STAU2: variants seen among roughly 807,000 people sequenced by gnomAD.
STAU2 encodes double-stranded RNA-binding protein Staufen homolog 2.
A neutral mutation model predicts 65.9 loss-of-function variants in STAU2; 20 were observed. The ratio of observed to expected loss-of-function variants is 0.30; its 90% CI spans 0.21 to 0.44. The LOEUF is 0.44. STAU2 is among the 20% of genes least tolerant of loss of function. The pLI, the probability that STAU2 is intolerant of heterozygous loss-of-function variation, is 1.00. For missense variants in STAU2, 558 were observed against 683.9 expected (o/e 0.82, Z 2.05); for synonymous variants, 232 against 233.9 (o/e 0.99, Z 0.07).
chr8:73,484,071 A>G (rs1027591802), intron 13 of STAU2, among the ~76,000 whole-genome samples: 2 of 152,180 alleles, frequency 1.3e-5, no homozygotes, highest in East Asian at 3.9e-4. Context: ...AGTGTCAACA[A>G]CTATTTAAAA....
chr8:73,744,728 G>A (rs1022433432), intron 1 of STAU2, among the ~76,000 whole-genome samples: 4 of 152,094 alleles, frequency 2.6e-5, no homozygotes, highest in African/African-American at 9.7e-5. Flanking sequence ...AGGAGTTAAG[G>A]ATCACAATGT....
At position 73,523,746 on chromosome 8, in the gene STAU2, G is replaced by A. The variant is rs143794731; in HGVS notation, c.1530+28266C>T. Among the ~76,000 whole-genome samples the A allele has an allele frequency of 1.3e-3, 192 of 152,174 alleles. 6 individuals are homozygous for A. In the East Asian group the frequency reaches 0.032, roughly 26 times the overall value. On this transcript the variant is annotated intron_variant, in intron 13 of 14. Transcript: ENST00000524300. ...ACTGACAACAAGGCCAGTGAGACTC[G>A]GACACAACTGATGAACTGGAAAGTG...
intron 13 of STAU2, among the ~76,000 whole-genome samples, chr8:73,434,278 G>A (rs1295424113): frequency 2.0e-5 from 3 of 150,744 alleles, no homozygotes; most frequent in Admixed American, 6.6e-5. Context: ...CGCTGAAAAA[G>A]GAAAGGAGGT....
chr8:73,607,994 G>A (rs1477696898), intron 9 of STAU2, among the ~76,000 whole-genome samples: 5 of 152,240 alleles, frequency 3.3e-5, no homozygotes, highest in Middle Eastern at 3.4e-3. Context: ...CCGGATGATT[G>A]CTGCCATTTC....
intron 6 of STAU2, among the ~76,000 whole-genome samples, chr8:73,636,746 C>A (rs1814545692): frequency 6.6e-6 from 1 of 151,566 alleles, no homozygotes; most frequent in Non-Finnish European, 1.5e-5. Flanking sequence ...AGCTGTAATC[C>A]CAGCTACTCA....
chr8:73,630,429 G>T (rs1356357346), intron 6 of STAU2, among the ~76,000 whole-genome samples: 2 of 152,220 alleles, frequency 1.3e-5, no homozygotes, highest in African/African-American at 4.8e-5. Flanking sequence ...ATAGGAAGAG[G>T]CTGAAGTAAT....
chr8:73,633,485 T>G (rs1466595121), intron 6 of STAU2, among the ~76,000 whole-genome samples: 1 of 152,148 alleles, frequency 6.6e-6, no homozygotes, highest in Non-Finnish European at 1.5e-5. Context: ...AGTGAAAGGA[T>G]GCATGTGAGA....
intron 9 of STAU2, among the ~76,000 whole-genome samples, chr8:73,612,448 A>G (rs1226187600): frequency 1.3e-5 from 2 of 152,208 alleles, no homozygotes; most frequent in African/African-American, 4.8e-5. Flanking sequence ...CTTAATAGCT[A>G]TATTCTACTC....
chr8:73,536,278 T>A (rs1004074124), intron 13 of STAU2, among the ~76,000 whole-genome samples: 11 of 152,118 alleles, frequency 7.2e-5, no homozygotes, highest in African/African-American at 2.7e-4. Context: ...TCTTTTTGCT[T>A]TACATATCCT....
intron 13 of STAU2, among the ~76,000 whole-genome samples, chr8:73,534,065 T>G (rs770641391): frequency 6.6e-5 from 10 of 152,250 alleles, no homozygotes; most frequent in Non-Finnish European, 1.2e-4. Flanking sequence ...CATTAAGGTA[T>G]GTGATACATA....
intron 13 of STAU2, chr8:73,551,080 C>T (rs556266256): frequency 2.0e-6 from 2 of 987,314 alleles, no homozygotes; most frequent in African/African-American, 3.5e-5. Context: ...ACACTCTCTA[C>T]ACACAAGCAA....
intron 13 of STAU2, among the ~76,000 whole-genome samples, chr8:73,517,142 C>G (rs1172091738): frequency 2.0e-5 from 3 of 152,128 alleles, no homozygotes; most frequent in South Asian, 2.1e-4. Flanking sequence ...ACTGGGCAGG[C>G]ATGATGGCTT....
chr8:73,546,844 C>T lies in STAU2; in HGVS notation c.1530+5168G>A, dbSNP rs998448544. 2.0e-4 allele frequency among the ~76,000 whole-genome samples: 31 copies of T among 152,264 alleles called. 1 individual carries two copies. Among genetic ancestry groups the T allele is most frequent in the Non-Finnish European group, 1.3e-4 (9 of 68,012 alleles). ...CAGCTGCCATCCACCTGAAGAGTAC[C>T]ATAATTAATTATATGTCAGGAAAAA... On this transcript the variant is annotated intron_variant, in intron 13 of 14. Transcript: ENST00000524300.
intron 3 of STAU2, among the ~76,000 whole-genome samples, chr8:73,718,580 C>T (rs1009302766): frequency 6.6e-6 from 1 of 152,144 alleles, no homozygotes; most frequent in East Asian, 1.9e-4. Context: ...CTGCAAGTGT[C>T]TGAGAATGAC....
chr8:73,527,577 C>T lies in STAU2; in HGVS notation c.1530+24435G>A, dbSNP rs984105694. ...TTTCAAGTCTAGCAGATGGTGCTAG[C>T]AGATAATGTATTAAGGAAAGCAAAG... On this transcript the variant is annotated intron_variant, in intron 13 of 14. Transcript: ENST00000524300. The T allele has an allele frequency of 4.7e-6, 3 of 643,392 alleles. No homozygotes were observed. The East Asian group carries it at 8.4e-5, about 18-fold the overall frequency. The allele number at this position is 643,392 out of a possible 1,614,324, so 39.9% of individuals were successfully genotyped here.
At chr8:73,635,930 ACACACACACACACACACACACC>A (rs1323230462) in intron 6 of STAU2, among the ~76,000 whole-genome samples, 80 of 105,746 alleles carry the variant, frequency 7.6e-4, no homozygotes, top group African/African-American at 2.6e-3. Flanking sequence ...ACACACACAC[ACACACACACACACACACACACC>A]CCTGGAACCA....
chr8:73,689,621 C>T (rs1441678608), intron 4 of STAU2, among the ~76,000 whole-genome samples: 2 of 152,174 alleles, frequency 1.3e-5, no homozygotes, highest in Admixed American at 6.5e-5. Context: ...AGCCCCCAAA[C>T]CTATTCTTCA....
Position 73,603,772 on chromosome 8 carries a change from A to G in STAU2, c.983T>C (p.Leu328Ser). 2 of 1,611,962 alleles carry G rather than the reference A, an allele frequency of 1.2e-6. No individual in the cohort carries two copies. Among genetic ancestry groups the G allele is most frequent in the Non-Finnish European group, 1.7e-6 (2 of 1,179,880 alleles). The change falls in exon 10 of 15, where the codon TTG becomes TCG. Residue 328 changes from leucine to serine, a missense_variant. By Grantham distance (145) the Leu-to-Ser change is moderately radical (BLOSUM62 -2). Around this residue, in one of 3 missense-constraint regions of STAU2, gnomAD observed 199 missense variants for 299.5 expected, o/e 0.66. Coordinates refer to ENST00000524300, the MANE Select transcript of STAU2 (RefSeq NM_001164380.2). ...AKKEKEPDYV[L>S]LSERGMPRRR... The stretch of plus-strand genomic sequence containing the variant: ...TCGAGGCATTCCTCTTTCTGAAAGC[A>G]AAACATAATCCGGCTCCTTTTCCTT...
chr8:73,606,819 C>T (rs1812060380), intron 9 of STAU2, among the ~76,000 whole-genome samples: 1 of 152,088 alleles, frequency 6.6e-6, no homozygotes, highest in African/African-American at 2.4e-5. Context: ...TTAGAAACAG[C>T]CCAAATATCC....
Sources: gnomAD v4.1 joint callset for allele counts (sites outside exome capture counted in the v4.1 genomes callset) on GRCh38, gnomAD v4.1.1 for gene constraint, gnomAD v4.1.1 regional missense constraint, MANE v1.5 for transcripts, NCBI Gene and HGNC (gene_info 2026-07-23, HGNC 2026-07-21) for gene names.